SERPINI1: variants seen among roughly 807,000 people sequenced by gnomAD.
The protein encoded by SERPINI1 is serpin family I member 1.
SERPINI1 carries 19 observed loss-of-function variants against 41.1 expected under a neutral mutation model. That is an observed-to-expected ratio of 0.46 (90% CI 0.32 to 0.68). The LOEUF (loss-of-function observed/expected upper bound fraction) is 0.68. SERPINI1 is among the 30% of genes least tolerant of loss of function. The probability of loss-of-function intolerance (pLI) is 0.03; values close to 1 mark genes in which losing one functional copy is unlikely to be tolerated. For synonymous variants in SERPINI1, 138 were observed against 156.6 expected (o/e 0.88, Z 0.89); for missense variants, 460 against 479.2 (o/e 0.96, Z 0.37).
At chr3:167,757,508 TCTCACACA>T (rs1402819724) in intron 1 of SERPINI1, among the ~76,000 whole-genome samples, 1 of 151,104 alleles carries the variant, frequency 6.6e-6, no homozygotes, top group Non-Finnish European at 1.5e-5. Flanking sequence ...TCTCTCTCTC[TCTCACACA>T]CACACACACA....
chr3:167,737,790 T>C (rs990567620), intron 1 of SERPINI1, among the ~76,000 whole-genome samples: 1 of 152,122 alleles, frequency 6.6e-6, no homozygotes, highest in Non-Finnish European at 1.5e-5. Flanking sequence ...TAAGATATAC[T>C]TTGAATCTCA....
At position 167,750,416 on chromosome 3, in the gene SERPINI1, A is replaced by C. The variant is rs140601983; in HGVS notation, c.-19+14593A>C. Among the ~76,000 whole-genome samples, 54 of 152,348 alleles carry C rather than the reference A, an allele frequency of 3.5e-4. No individual in the cohort carries two copies. In the East Asian group the frequency reaches 3.7e-3, roughly 10 times the overall value. ...AAGAACAAGATGACTGCACATAGAA[A>C]TTAATGAAATAGAAAAGGCAACATG... On this transcript the variant is annotated intron_variant, in intron 1 of 8. Transcript: ENST00000446050.
intron 1 of SERPINI1, among the ~76,000 whole-genome samples, chr3:167,759,010 C>G (rs546210759): frequency 6.6e-6 from 1 of 152,098 alleles, no homozygotes; most frequent in African/African-American, 2.4e-5. Flanking sequence ...TTTTATGATC[C>G]ACATTAGACA....
At chr3:167,757,573 A>G (rs1440184816) in intron 1 of SERPINI1, among the ~76,000 whole-genome samples, 2 of 152,166 alleles carry the variant, frequency 1.3e-5, no homozygotes, top group Non-Finnish European at 2.9e-5. Flanking sequence ...TTGAACTTGT[A>G]ATCATACTCC....
chr3:167,793,467 G>A (rs62279598), intron 4 of SERPINI1, among the ~76,000 whole-genome samples: 19,008 of 151,446 alleles, frequency 0.13, 1,431 homozygotes, highest in African/African-American at 0.21. Context: ...GCCAGCTGCT[G>A]TGGCTCATGC....
intron 1 of SERPINI1, among the ~76,000 whole-genome samples, chr3:167,772,870 A>T (rs1350608312): frequency 3.0e-5 from 1 of 32,842 alleles, no homozygotes; most frequent in African/African-American, 1.5e-4. Flanking sequence ...CTCTCTATAT[A>T]TATATATATA....
intron 1 of SERPINI1, among the ~76,000 whole-genome samples, chr3:167,788,906 T>A (rs1727399852): frequency 6.6e-6 from 1 of 152,220 alleles, no homozygotes; most frequent in Non-Finnish European, 1.5e-5. Flanking sequence ...TTACTTGTTG[T>A]ATAAGTAACT....
intron 5 of SERPINI1, among the ~76,000 whole-genome samples, chr3:167,797,020 G>T (rs1229141224): frequency 6.6e-6 from 1 of 152,084 alleles, no homozygotes; most frequent in East Asian, 1.9e-4. Context: ...TTGCCAGCAT[G>T]TGTTGTTTCT....
At chr3:167,793,598 T>TATA (rs1727605552) in intron 4 of SERPINI1, among the ~76,000 whole-genome samples, 3 of 118,016 alleles carry the variant, frequency 2.5e-5, no homozygotes, top group Admixed American at 1.7e-4. Flanking sequence ...ATATATATAT[T>TATA]TTTAATTAGC....
At chr3:167,761,851 C>G (rs1553771930) in intron 1 of SERPINI1, among the ~76,000 whole-genome samples, 1 of 152,118 alleles carries the variant, frequency 6.6e-6, no homozygotes, top group Non-Finnish European at 1.5e-5. Flanking sequence ...TTTTCAATCT[C>G]TATTTATTTT....
chr3:167,824,727 A>T (rs549512753), intron 8 of SERPINI1, among the ~76,000 whole-genome samples, 165 bp downstream of exon 8: 6 of 152,202 alleles, frequency 3.9e-5, no homozygotes, highest in African/African-American at 1.4e-4. Flanking sequence ...ATAGTTTATA[A>T]TGTTGAAATG....
intron 1 of SERPINI1, among the ~76,000 whole-genome samples, chr3:167,783,608 C>T (rs1727211206): frequency 1.3e-5 from 2 of 152,102 alleles, no homozygotes; most frequent in African/African-American, 4.8e-5. Flanking sequence ...AGGACTAGAT[C>T]TGTGGAGAAT....
At chr3:167,804,482 G>A (rs567569088) in intron 5 of SERPINI1, among the ~76,000 whole-genome samples, 1 of 152,228 alleles carries the variant, frequency 6.6e-6, no homozygotes, top group African/African-American at 2.4e-5. Flanking sequence ...GAAGCATTTT[G>A]TTCTAACTAG....
intron 6 of SERPINI1, among the ~76,000 whole-genome samples, chr3:167,813,481 C>T (rs1219717417): frequency 6.6e-6 from 1 of 152,170 alleles, no homozygotes; most frequent in Non-Finnish European, 1.5e-5. Context: ...TAAAGTTTCT[C>T]TCACTTTACA....
At chr3:167,748,495 A>T (rs919000007) in intron 1 of SERPINI1, among the ~76,000 whole-genome samples, 5 of 152,214 alleles carry the variant, frequency 3.3e-5, no homozygotes. Flanking sequence ...TCTGAAAAAG[A>T]ACTGTAAACA....
At chr3:167,739,440 A>G (rs1227324986) in intron 1 of SERPINI1, among the ~76,000 whole-genome samples, 3 of 152,252 alleles carry the variant, frequency 2.0e-5, no homozygotes, top group African/African-American at 7.2e-5. Flanking sequence ...TTGCCTTTGC[A>G]AAAGTGTTGA....
chr3:167,778,871 T>A (rs1404589433), intron 1 of SERPINI1, among the ~76,000 whole-genome samples: 3 of 152,230 alleles, frequency 2.0e-5, no homozygotes, highest in African/African-American at 7.2e-5. Context: ...CCTCTCATAG[T>A]TAGCTTGGCC....
At chr3:167,794,874 A>G (rs1727661571) in intron 5 of SERPINI1, 50 bp downstream of exon 5, 1 of 1,477,880 alleles carries the variant, frequency 6.8e-7, no homozygotes, top group Non-Finnish European at 9.4e-7. Flanking sequence ...ATGGGCTATC[A>G]ATGAAAATCT....
At chr3:167,741,922 A>C (rs939703663) in intron 1 of SERPINI1, among the ~76,000 whole-genome samples, 3 of 138,410 alleles carry the variant, frequency 2.2e-5, no homozygotes, top group Admixed American at 2.0e-4. Flanking sequence ...CGAAACTTTT[A>C]AAAAAATTAT....
Sources: gnomAD v4.1 joint callset for allele counts (sites outside exome capture counted in the v4.1 genomes callset) on GRCh38, gnomAD v4.1.1 for gene constraint, MANE v1.5 for transcripts, NCBI Gene and HGNC (gene_info 2026-07-23, HGNC 2026-07-21) for gene names.